MAP4: variants seen among roughly 807,000 people sequenced by gnomAD.
MAP4 encodes microtubule associated protein 4.
MAP4 carries 76 observed loss-of-function variants against 170.2 expected under a neutral mutation model. That is an observed-to-expected ratio of 0.45 (90% CI 0.37 to 0.54). The LOEUF is 0.54. Ranked by LOEUF, MAP4 falls within the 20% of genes least tolerant of loss-of-function variation. The pLI is 0.00. For synonymous variants in MAP4, 909 were observed against 994.5 expected (o/e 0.91, Z 1.62); for missense variants, 2,506 against 2,748.0 (o/e 0.91, Z 1.97).
intron 3 of MAP4, among the ~76,000 whole-genome samples, chr3:47,956,256 C>T (rs2100067763): frequency 6.6e-6 from 1 of 152,150 alleles, no homozygotes; most frequent in Non-Finnish European, 1.5e-5. Context: ...AGTTCTGTTG[C>T]ATTGCTTCCT....
chr3:48,086,943 G>T (rs1475240534), intron 1 of MAP4, among the ~76,000 whole-genome samples: 1 of 152,128 alleles, frequency 6.6e-6, no homozygotes, highest in African/African-American at 2.4e-5. Flanking sequence ...ACTATGTGGG[G>T]GTTGGAGAGA....
At chr3:47,966,800 G>A (rs1052245262) in intron 3 of MAP4, among the ~76,000 whole-genome samples, 1 of 152,292 alleles carries the variant, frequency 6.6e-6, no homozygotes, top group African/African-American at 2.4e-5. Context: ...GTATAAAAGA[G>A]TTTATTTCTG....
intron 1 of MAP4, among the ~76,000 whole-genome samples, chr3:48,027,573 G>A (rs751328412): frequency 5.3e-5 from 8 of 152,090 alleles, no homozygotes; most frequent in Non-Finnish European, 8.8e-5. Flanking sequence ...GGCCAGGCGC[G>A]TTGGCTCAGT....
intron 10 of MAP4, among the ~76,000 whole-genome samples, chr3:47,901,035 C>G (rs1229191079): frequency 6.6e-6 from 1 of 152,178 alleles, no homozygotes; most frequent in Non-Finnish European, 1.5e-5. Flanking sequence ...TTCCATGCAC[C>G]TGCACTTCAC....
intron 1 of MAP4, among the ~76,000 whole-genome samples, chr3:48,060,908 G>A (rs565015145): frequency 2.6e-5 from 4 of 152,180 alleles, no homozygotes; most frequent in Admixed American, 6.5e-5. Context: ...ACAGTGGTGC[G>A]ATCTCGGCTC....
chr3:48,058,770 A>ATTATT lies in MAP4; in HGVS notation c.-20+29998_-20+30002dup, dbSNP rs778811844. On this transcript the variant is annotated intron_variant, in intron 1 of 18. Coordinates refer to the MAP4 transcript ENST00000360240. Reference sequence around the variant, plus strand: ...CCTGATTTGAAAATCTAGATACAATATTATTTTATTTTATTTTATTTATTT... The same window carrying ATTATT: ...CCTGATTTGAAAATCTAGATACAATATTATTTTATTTTATTTTATTTTATTTATTT... 4.1e-4 allele frequency among the ~76,000 whole-genome samples: 62 copies of ATTATT among 152,198 alleles called. 1 individual carries two copies. Among genetic ancestry groups the ATTATT allele is most frequent in the Admixed American group, 3.7e-3 (57 of 15,264 alleles).
At chr3:47,986,724 T>C (rs1276274814) in intron 2 of MAP4, among the ~76,000 whole-genome samples, 2 of 152,182 alleles carry the variant, frequency 1.3e-5, no homozygotes, top group Admixed American at 1.3e-4. Context: ...AAAGAACTAT[T>C]AGTTATGAGA....
chr3:48,017,332 T>C (rs945739740), upstream of MAP4, among the ~76,000 whole-genome samples: 1 of 152,172 alleles, frequency 6.6e-6, no homozygotes, highest in East Asian at 1.9e-4. Context: ...GAATTATACC[T>C]GCTTATACAT....
chr3:48,049,310 T>C (rs1395574264), intron 1 of MAP4, among the ~76,000 whole-genome samples: 3 of 152,260 alleles, frequency 2.0e-5, no homozygotes, highest in Non-Finnish European at 4.4e-5. Context: ...CTGGGTAGTA[T>C]GGTAAGTACA....
chr3:48,075,937 T>C (rs1451196183), intron 1 of MAP4, among the ~76,000 whole-genome samples: 1 of 142,846 alleles, frequency 7.0e-6, no homozygotes, highest in East Asian at 2.1e-4. Flanking sequence ...ATCACGTCAT[T>C]GCACTTCAGC....
At chr3:48,028,295 G>A (rs554778269) in intron 1 of MAP4, among the ~76,000 whole-genome samples, 8 of 152,052 alleles carry the variant, frequency 5.3e-5, no homozygotes, top group East Asian at 1.9e-4. Context: ...CCATCTCTGG[G>A]GGGGGAGGGA....
chr3:48,052,283 G>A (rs150300661), intron 1 of MAP4, among the ~76,000 whole-genome samples: 2 of 152,116 alleles, frequency 1.3e-5, no homozygotes, highest in African/African-American at 2.4e-5. Context: ...GTGCGGTGGC[G>A]CGATCTTGGC....
At chr3:48,002,182 G>A (rs1234395993) in intron 1 of MAP4, among the ~76,000 whole-genome samples, 3 of 151,340 alleles carry the variant, frequency 2.0e-5, no homozygotes, top group Middle Eastern at 3.4e-3. Context: ...AACTCCAGGT[G>A]TGGAGCCACG....
intron 17 of MAP4, among the ~76,000 whole-genome samples, chr3:47,858,800 A>C (rs997670841): frequency 5.3e-5 from 8 of 151,456 alleles, no homozygotes; most frequent in Non-Finnish European, 1.2e-4. Flanking sequence ...GTGAAACTCT[A>C]TCTCTACTAA....
intron 1 of MAP4, among the ~76,000 whole-genome samples, chr3:48,055,720 A>G (rs1227024211): frequency 1.2e-5 from 1 of 80,356 alleles, no homozygotes; most frequent in Non-Finnish European, 2.5e-5. Flanking sequence ...GAAAGTGAGG[A>G]GCGTCTCCGC....
At chr3:48,009,965 T>C (rs2100104406) in intron 1 of MAP4, among the ~76,000 whole-genome samples, 1 of 152,182 alleles carries the variant, frequency 6.6e-6, no homozygotes, top group African/African-American at 2.4e-5. Flanking sequence ...GGAGTTACAG[T>C]GTTGGCTAAG....
At chr3:47,858,008 C>T (rs1289210228) in intron 17 of MAP4, among the ~76,000 whole-genome samples, 1 of 149,948 alleles carries the variant, frequency 6.7e-6, no homozygotes, top group Non-Finnish European at 1.5e-5. Context: ...TGAGCCACCA[C>T]GCCTGGCCTT....
intron 10 of MAP4, among the ~76,000 whole-genome samples, chr3:47,883,236 C>CT (rs1244993495): frequency 1.4e-4 from 21 of 150,894 alleles, no homozygotes; most frequent in Middle Eastern, 3.4e-3. Context: ...TATTATATTC[C>CT]TTTTTTTTTG....
At chr3:47,923,498 G>A (rs1377875159) in intron 4 of MAP4, among the ~76,000 whole-genome samples, 1 of 149,636 alleles carries the variant, frequency 6.7e-6, no homozygotes, top group Non-Finnish European at 1.5e-5. Context: ...ATCTTCTTGA[G>A]CCCAGGGGTT....
Sources: allele counts gnomAD v4.1 joint callset (sites outside exome capture counted in the v4.1 genomes callset), GRCh38; gene constraint gnomAD v4.1.1; transcripts MANE v1.5; gene names NCBI Gene and HGNC (gene_info 2026-07-23, HGNC 2026-07-21).